NT5DC1: variants seen among roughly 807,000 people sequenced by gnomAD.
NT5DC1 encodes 5'-nucleotidase domain-containing protein 1.
A neutral mutation model predicts 59.4 loss-of-function variants in NT5DC1; 42 were observed. The ratio of observed to expected loss-of-function variants is 0.71; its 90% confidence interval spans 0.55 to 0.92. The LOEUF is 0.92. NT5DC1 is among the 40% of genes least tolerant of loss of function. The probability of loss-of-function intolerance (pLI) is 0.00; values close to 1 mark genes in which losing one functional copy is unlikely to be tolerated. For missense variants in NT5DC1, 501 were observed against 537.1 expected, an observed-to-expected ratio of 0.93 and a Z score of 0.66; for synonymous variants, 172 against 188.1, an observed-to-expected ratio of 0.91 and a Z score of 0.70.
intron 6 of NT5DC1, among the ~76,000 whole-genome samples, chr6:116,128,885 T>C (rs1206810376): frequency 1.3e-5 from 2 of 152,192 alleles, no homozygotes; most frequent in East Asian, 1.9e-4. Flanking sequence ...ATTAGTTACA[T>C]TGGTTTTTGT....
In NT5DC1 at chr6:116,141,849, GTC is replaced by G. The variant is rs200362734; in HGVS notation, c.529+23906_529+23907del. Among the ~76,000 whole-genome samples the G allele has an allele frequency of 3.2e-3, 472 of 146,742 alleles. 5 individuals carry two copies. The highest frequency in any genetic ancestry group is 0.011 in the African/African-American group (434 of 39,040). The stretch of plus-strand genomic sequence containing the variant: ...TAATTACTGAAAATCCTTACATAGA[GTC>G]TTATTTCAGTAAAAGATTTTCTGCC... On this transcript the variant is annotated intron_variant, in intron 6 of 11. Transcript: ENST00000319550.
At chr6:116,221,925 C>T (rs749424685) in intron 7 of NT5DC1, among the ~76,000 whole-genome samples, 4 of 148,614 alleles carry the variant, frequency 2.7e-5, no homozygotes, top group Non-Finnish European at 5.9e-5. Context: ...TGGGAAATAC[C>T]AGGAAATGTC....
chr6:116,172,632 C>T (rs1780636904), intron 6 of NT5DC1, among the ~76,000 whole-genome samples: 1 of 151,998 alleles, frequency 6.6e-6, no homozygotes, highest in Non-Finnish European at 1.5e-5. Context: ...ACCTTAGTAA[C>T]ATATATACTT....
At chr6:116,120,301 C>G in intron 6 of NT5DC1, 1 of 1,614,206 alleles carries the variant, frequency 6.2e-7, no homozygotes, top group Non-Finnish European at 8.5e-7. Context: ...GAGTCCCTTT[C>G]ACATGCACGT....
chr6:116,219,048 C>G (rs1457412723), intron 6 of NT5DC1, among the ~76,000 whole-genome samples: 1 of 151,834 alleles, frequency 6.6e-6, no homozygotes, highest in Non-Finnish European at 1.5e-5. Flanking sequence ...ACAGCACTTT[C>G]AGAGGCCCGA....
intron 3 of NT5DC1, among the ~76,000 whole-genome samples, chr6:116,109,215 C>T (rs1778818234): frequency 6.6e-6 from 1 of 152,140 alleles, no homozygotes; most frequent in Admixed American, 6.5e-5. Context: ...ACTCCCAGAC[C>T]CCTGATATGT....
chr6:116,201,263 G>T (rs1178738996), intron 6 of NT5DC1, among the ~76,000 whole-genome samples: 1 of 152,014 alleles, frequency 6.6e-6, no homozygotes, highest in East Asian at 1.9e-4. Context: ...TGCCTTTTTG[G>T]CTGTAGCCAT....
At chr6:116,144,608 T>C (rs1214752984) in intron 6 of NT5DC1, among the ~76,000 whole-genome samples, 2 of 152,186 alleles carry the variant, frequency 1.3e-5, no homozygotes, top group African/African-American at 4.8e-5. Context: ...AATATTTGGG[T>C]GTATTTAAAT....
intron 6 of NT5DC1, among the ~76,000 whole-genome samples, chr6:116,141,655 T>C (rs1300062558): frequency 6.6e-6 from 1 of 152,044 alleles, no homozygotes; most frequent in African/African-American, 2.4e-5. Flanking sequence ...CTTGCAAAGG[T>C]TCTGTGTAAA....
chr6:116,115,380 T>C (rs1778945115), intron 4 of NT5DC1, among the ~76,000 whole-genome samples: 3 of 152,258 alleles, frequency 2.0e-5, no homozygotes, highest in Admixed American at 2.0e-4. Context: ...TAACATCATA[T>C]GGCTTTTTCA....
rs548324141 is a variant in NT5DC1 at position 116,187,513 on chromosome 6, A to C, written c.530-33541A>C. On this transcript the variant is annotated intron_variant, in intron 6 of 11. Transcript: ENST00000319550. ...ATTTGGTCAGAGTGCTTTTGGTATAAAGACTGACAACTAGAAGATCACTGA... is the reference window on the plus strand; with the variant it reads ...ATTTGGTCAGAGTGCTTTTGGTATACAGACTGACAACTAGAAGATCACTGA... 1.3e-4 allele frequency among the ~76,000 whole-genome samples: 20 copies of C among 152,184 alleles called. No homozygotes were observed. The East Asian group carries it at 2.7e-3, about 21-fold the overall frequency.
chr6:116,115,572 G>A, intron 4 of NT5DC1, 119 bp from the exon 5 acceptor site: 1 of 473,250 alleles, frequency 2.1e-6, no homozygotes. Context: ...CTTTGAATTG[G>A]AATGGAGGCT....
intron 6 of NT5DC1, among the ~76,000 whole-genome samples, chr6:116,167,846 G>T (rs1025409068): frequency 1.3e-5 from 2 of 152,068 alleles, no homozygotes; most frequent in Non-Finnish European, 2.9e-5. Flanking sequence ...AATCATATCT[G>T]TGTATTGGAT....
intron 6 of NT5DC1, among the ~76,000 whole-genome samples, chr6:116,217,636 C>T (rs1476982411): frequency 2.6e-5 from 4 of 152,014 alleles, no homozygotes; most frequent in Admixed American, 2.0e-4. Flanking sequence ...ATTTTTATCA[C>T]TTCAGTTTGG....
chr6:116,149,744 C>T (rs1040189248), intron 6 of NT5DC1, among the ~76,000 whole-genome samples: 2 of 152,164 alleles, frequency 1.3e-5, no homozygotes, highest in African/African-American at 4.8e-5. Flanking sequence ...AATCTGGGAT[C>T]TCCACATAAA....
intron 6 of NT5DC1, among the ~76,000 whole-genome samples, chr6:116,182,442 A>G (rs1445412641): frequency 2.0e-5 from 3 of 151,896 alleles, no homozygotes; most frequent in Admixed American, 6.6e-5. Flanking sequence ...TCTACTTTTA[A>G]TTTTTTAAGG....
chr6:116,220,122 C>CTTTTTTTTTTTTTTTTT (rs60827021), intron 6 of NT5DC1, among the ~76,000 whole-genome samples: 13 of 98,642 alleles, frequency 1.3e-4, no homozygotes, highest in African/African-American at 4.3e-4. Flanking sequence ...GCTGTTTAAC[C>CTTTTTTTTTTTTTTTTT]TTTTTTTTTT....
At position 116,151,605 on chromosome 6, in the gene NT5DC1, G is replaced by A. The variant is rs189297159; in HGVS notation, c.529+33660G>A. 2.6e-3 allele frequency among the ~76,000 whole-genome samples: 395 copies of A among 152,248 alleles called. 10 individuals carry two copies. In the South Asian group the frequency reaches 0.043, roughly 17 times the overall value. On this transcript the variant is annotated intron_variant, in intron 6 of 11. Coordinates refer to ENST00000319550, the MANE Select transcript of NT5DC1 (RefSeq NM_152729.3). ...TTTAAAATTCACAGAGTTATCTCGA[G>A]AATGCAGTACATGCAAATAATGGCA...
chr6:116,112,932 A>G (rs1778907013), intron 4 of NT5DC1, among the ~76,000 whole-genome samples: 1 of 152,244 alleles, frequency 6.6e-6, no homozygotes, highest in South Asian at 2.1e-4. Context: ...TGTAAAGTAC[A>G]TGCCCTATCA....
Sources: allele counts gnomAD v4.1 joint callset (sites outside exome capture counted in the v4.1 genomes callset), GRCh38; gene constraint gnomAD v4.1.1; transcripts MANE v1.5; gene names NCBI Gene and HGNC (gene_info 2026-07-23, HGNC 2026-07-21).